The following RBPJ variants were observed in gnomAD, a reference collection of about 807,000 sequenced individuals.
The protein encoded by RBPJ is recombination signal binding protein for immunoglobulin kappa J region.
RBPJ carries 9 observed loss-of-function variants against 67.8 expected under a neutral mutation model. The observed-to-expected ratio is 0.13, with a 90% CI of 0.08 to 0.23. RBPJ has a LOEUF of 0.23. Among genes scored for constraint, RBPJ ranks in the 10% least tolerant of loss-of-function variants. RBPJ has a pLI of 1.00. For synonymous variants in RBPJ, 198 were observed against 203.3 expected (o/e 0.97, Z 0.22); for missense variants, 305 against 595.6 (o/e 0.51, Z 5.08).
intron 1 of RBPJ, among the ~76,000 whole-genome samples, chr4:26,243,232 A>G (rs879684046): frequency 6.6e-6 from 1 of 152,200 alleles, no homozygotes; most frequent in Admixed American, 6.5e-5. Flanking sequence ...CTCCGTCTCA[A>G]AAAAATAATA....
At chr4:26,362,624 A>G in intron 1 of RBPJ, 1 of 1,613,830 alleles carries the variant, frequency 6.2e-7, no homozygotes, top group Non-Finnish European at 8.5e-7. Flanking sequence ...GGCGTGGATT[A>G]AAAGGTATGC....
At chr4:26,324,384 G>T (rs1301965957) in intron 1 of RBPJ, among the ~76,000 whole-genome samples, 1 of 133,800 alleles carries the variant, frequency 7.5e-6, no homozygotes, top group Non-Finnish European at 1.6e-5. Context: ...AAATTACAGG[G>T]TGATGTGTCG....
chr4:26,291,314 A>G lies in RBPJ; in HGVS notation c.-166-71132A>G, dbSNP rs200062890. 5.3e-5 allele frequency among the ~76,000 whole-genome samples: 8 copies of G among 150,804 alleles called. No individual in the cohort carries two copies. In the East Asian group the frequency reaches 7.9e-4, roughly 15 times the overall value. On this transcript the variant is annotated intron_variant, in intron 1 of 4. Transcript: ENST00000512351. ...ATAACTTTTTGCATCCAACAGAAAT[A>G]CAAATATTAATTTTCATGGCATAGA...
At chr4:26,256,712 A>G (rs148184778) in intron 1 of RBPJ, among the ~76,000 whole-genome samples, 24 of 152,320 alleles carry the variant, frequency 1.6e-4, no homozygotes, top group African/African-American at 4.1e-4. Flanking sequence ...GTAAGGACAA[A>G]TTTTAATTTG....
chr4:26,289,861 C>G (rs1407664873), intron 1 of RBPJ, among the ~76,000 whole-genome samples: 1 of 150,546 alleles, frequency 6.6e-6, no homozygotes, highest in Non-Finnish European at 1.5e-5. Context: ...TGGACTGTCT[C>G]TCAAGTATCA....
chr4:26,292,179 T>C (rs1403216243), intron 1 of RBPJ, among the ~76,000 whole-genome samples: 1 of 150,806 alleles, frequency 6.6e-6, no homozygotes, highest in East Asian at 2.0e-4. Flanking sequence ...CTTACTCATC[T>C]TATAACTGAA....
intron 1 of RBPJ, among the ~76,000 whole-genome samples, chr4:26,219,451 G>A (rs1718828809): frequency 6.6e-6 from 1 of 152,204 alleles, no homozygotes; most frequent in Admixed American, 6.6e-5. Flanking sequence ...TCCAGGCACT[G>A]GGGTAGAGGG....
chr4:26,268,475 C>A (rs1021817898), intron 1 of RBPJ, among the ~76,000 whole-genome samples: 2 of 152,134 alleles, frequency 1.3e-5, no homozygotes, highest in Admixed American at 1.3e-4. Context: ...TCAGGCCCAA[C>A]CCTTAATGAA....
At chr4:26,356,899 A>C (rs1727445031) in intron 1 of RBPJ, among the ~76,000 whole-genome samples, 1 of 152,248 alleles carries the variant, frequency 6.6e-6, no homozygotes, top group South Asian at 2.1e-4. Flanking sequence ...TTTATCATAT[A>C]GCAGTGTCTG....
At chr4:26,322,864 A>C (rs1246034867) in intron 1 of RBPJ, 1 of 151,528 alleles carries the variant, frequency 6.6e-6, no homozygotes, top group Non-Finnish European at 1.5e-5. Flanking sequence ...TAGGAATAAG[A>C]GTTATTATAT....
chr4:26,340,882 A>G (rs1485788064), intron 1 of RBPJ, among the ~76,000 whole-genome samples: 2 of 151,850 alleles, frequency 1.3e-5, no homozygotes. Flanking sequence ...GAAAAAAAAA[A>G]AAGAAAGAAA....
intron 2 of RBPJ, among the ~76,000 whole-genome samples, chr4:26,401,751 C>T (rs1028679429): frequency 7.9e-5 from 12 of 152,060 alleles, no homozygotes; most frequent in Non-Finnish European, 1.3e-4. Context: ...ATTTAGTATC[C>T]GGAAATACAC....
In RBPJ at chr4:26,291,224, C is replaced by A. The variant is rs537200309; in HGVS notation, c.-166-71222C>A. 2.6e-5 allele frequency among the ~76,000 whole-genome samples: 4 copies of A among 151,122 alleles called. No homozygotes were observed. The South Asian group carries it at 8.4e-4, about 32-fold the overall frequency. On this transcript the variant is annotated intron_variant, in intron 1 of 4. Coordinates refer to the RBPJ transcript ENST00000512351. ...TTGGAATGACTAGTATATTAAGATT[C>A]TCTTCTGGGTTATGGGTTAACATCT...
intron 1 of RBPJ, among the ~76,000 whole-genome samples, chr4:26,306,365 G>A (rs1051442323): frequency 1.3e-5 from 2 of 151,880 alleles, no homozygotes; most frequent in African/African-American, 2.4e-5. Context: ...GCGTTTGCCA[G>A]TATTTTATTG....
At chr4:26,394,695 TA>T (rs1195625462) in intron 2 of RBPJ, among the ~76,000 whole-genome samples, 2 of 152,098 alleles carry the variant, frequency 1.3e-5, no homozygotes, top group Non-Finnish European at 2.9e-5. Flanking sequence ...GTGCTTTTTT[TA>T]AAAAAGAGAT....
intron 1 of RBPJ, among the ~76,000 whole-genome samples, chr4:26,194,963 T>C (rs1209781075): frequency 6.6e-6 from 1 of 152,244 alleles, no homozygotes; most frequent in African/African-American, 2.4e-5. Flanking sequence ...ATGAGCTCTC[T>C]TTCTGAACTG....
rs372375093 is a variant in RBPJ, at chr4:26,290,692, C to G, written c.-166-71754C>G. Among the ~76,000 whole-genome samples, 15 of 150,966 alleles carry G rather than the reference C, an allele frequency of 9.9e-5. 1 individual carries two copies. The East Asian group carries it at 1.6e-3, about 16-fold the overall frequency. On this transcript the variant is annotated intron_variant, in intron 1 of 4. Transcript: ENST00000512351. ...TAAAAGAAATCAAGTTTAACTTCAG[C>G]GATAACATGCCTTCTTTTAAGCACT...
chr4:26,380,912 G>A (rs998656624), intron 1 of RBPJ, among the ~76,000 whole-genome samples: 29 of 151,042 alleles, frequency 1.9e-4, no homozygotes, highest in African/African-American at 6.8e-4. Flanking sequence ...CAACCCAAGG[G>A]CAAGTAGGGT....
At chr4:26,379,005 G>T (rs936984968) in intron 1 of RBPJ, among the ~76,000 whole-genome samples, 1 of 152,078 alleles carries the variant, frequency 6.6e-6, no homozygotes, top group African/African-American at 2.4e-5. Context: ...TAGCATGGGC[G>T]ACGGAGTGAG....
Sources: allele counts gnomAD v4.1 joint callset (sites outside exome capture counted in the v4.1 genomes callset), GRCh38; gene constraint gnomAD v4.1.1; transcripts MANE v1.5; gene names NCBI Gene and HGNC (gene_info 2026-07-23, HGNC 2026-07-21).